ZSCAN4: variants seen among roughly 807,000 people sequenced by gnomAD.
The protein encoded by ZSCAN4 is zinc finger and SCAN domain-containing protein 4.
In ZSCAN4, 18 loss-of-function variants were observed where a neutral mutation model predicts 18.3. The ratio of observed to expected loss-of-function variants is 0.98; its 90% confidence interval spans 0.68 to 1.46. The LOEUF (loss-of-function observed/expected upper bound fraction) is 1.46. Among genes scored for constraint, ZSCAN4 ranks in the 40% most tolerant of loss-of-function variants. ZSCAN4 has a pLI of 0.00. For synonymous variants in ZSCAN4, 193 were observed against 180.3 expected (o/e 1.07, Z -0.57); for missense variants, 498 against 511.4 (o/e 0.97, Z 0.25).
At chr19:57,678,541 A>G in exon 5 of ZSCAN4, 1 of 1,614,146 alleles carries the variant, frequency 6.2e-7, no homozygotes, top group Non-Finnish European at 8.5e-7. Context: ...AAATCATACA[A>G]ATGTGAAGAA....
the ZSCAN4 span, among the ~76,000 whole-genome samples, chr19:57,660,770 G>A: frequency 6.6e-6 from 1 of 152,128 alleles, no homozygotes; most frequent in South Asian, 2.1e-4. Flanking sequence ...CTGTTATTCT[G>A]CCTCCCTCCT....
At chr19:57,659,394 A>AT in the ZSCAN4 span, among the ~76,000 whole-genome samples, 24,997 of 151,838 alleles carry the variant, frequency 0.16, 2,112 homozygotes, top group East Asian at 0.25. Context: ...ATATGCAATA[A>AT]TTTTTTTTGA....
At chr19:57,677,917 C>A in exon 4 of ZSCAN4, 1 of 1,534,372 alleles carries the variant, frequency 6.5e-7, no homozygotes, top group Non-Finnish European at 8.7e-7. Context: ...TTTACAGGTC[C>A]ACGTCCACAT....
intron 3 of ZSCAN4, among the ~76,000 whole-genome samples, chr19:57,677,646 A>G (rs1984226892): frequency 6.6e-6 from 1 of 152,208 alleles, no homozygotes; most frequent in African/African-American, 2.4e-5. Context: ...TCAGTTGACA[A>G]AAATAATGTA....
chr19:57,676,682 C>G, intron 3 of ZSCAN4, 141 bp downstream of exon 3: 6 of 994,704 alleles, frequency 6.0e-6, no homozygotes, highest in Non-Finnish European at 8.7e-6. Flanking sequence ...ACCATTCTCA[C>G]AAAGAATAAT....
chr19:57,676,637 T>C (rs1984200219), intron 3 of ZSCAN4, 96 bp downstream of exon 3: 2 of 1,376,156 alleles, frequency 1.5e-6, no homozygotes, highest in Admixed American at 2.3e-5. Context: ...GAGAAGCTAT[T>C]GGAGGTCCAG....
the ZSCAN4 span, among the ~76,000 whole-genome samples, chr19:57,660,032 G>A: frequency 6.4e-4 from 97 of 152,246 alleles, no homozygotes; most frequent in African/African-American, 2.2e-3. Context: ...CCAGCAAAAA[G>A]GTGAGATCAG....
chr19:57,664,085 C>T (rs907846232), upstream of ZSCAN4, among the ~76,000 whole-genome samples: 120 of 151,908 alleles, frequency 7.9e-4, no homozygotes, highest in Non-Finnish European at 1.5e-3. Context: ...AAGCAGAGAT[C>T]GTGCCATTGC....
At chr19:57,663,519 C>CAAAAA in the ZSCAN4 span, among the ~76,000 whole-genome samples, 5 of 18,284 alleles carry the variant, frequency 2.7e-4, no homozygotes, top group African/African-American at 1.1e-3. Context: ...AACCATGTCT[C>CAAAAA]TAAAAAAAAA....
the ZSCAN4 span, among the ~76,000 whole-genome samples, chr19:57,656,339 G>A: frequency 6.6e-6 from 1 of 152,096 alleles, no homozygotes; most frequent in Non-Finnish European, 1.5e-5. Context: ...ACTAACACTG[G>A]GGCTACCCAA....
chr19:57,666,260 A>T (rs560681163), upstream of ZSCAN4, among the ~76,000 whole-genome samples: 3 of 152,234 alleles, frequency 2.0e-5, no homozygotes, highest in African/African-American at 7.2e-5. Context: ...GGGGTGATCC[A>T]CGCACCTCCA....
At chr19:57,676,240 C>A (rs1984181350) in exon 3 of ZSCAN4, 3 of 1,614,108 alleles carry the variant, frequency 1.9e-6, no homozygotes, top group South Asian at 2.2e-5. Context: ...CAAGGACCTG[C>A]TGTTCAGAGA....
the ZSCAN4 span, among the ~76,000 whole-genome samples, chr19:57,658,451 A>G: frequency 1.3e-5 from 2 of 152,220 alleles, no homozygotes; most frequent in Non-Finnish European, 2.9e-5. Context: ...TACACTGGAA[A>G]TTGGGGATCA....
At chr19:57,673,991 T>C (rs936353275) in intron 2 of ZSCAN4, among the ~76,000 whole-genome samples, 14 of 152,188 alleles carry the variant, frequency 9.2e-5, no homozygotes, top group Admixed American at 7.9e-4. Context: ...TGGTTTCAAG[T>C]GATCTGCCCG....
chr19:57,677,808 C>T, intron 3 of ZSCAN4, 106 bp from the exon 4 acceptor site: 1 of 1,021,604 alleles, frequency 9.8e-7, no homozygotes, highest in Non-Finnish European at 1.4e-6. Flanking sequence ...TATGTGATAG[C>T]CAATACTTGA....
At chr19:57,652,477 G>A in the ZSCAN4 span, among the ~76,000 whole-genome samples, 26 of 152,100 alleles carry the variant, frequency 1.7e-4, no homozygotes, top group East Asian at 4.8e-3. Context: ...AAAGACCCAC[G>A]AAAACACCTC....
intron 2 of ZSCAN4, among the ~76,000 whole-genome samples, chr19:57,672,527 C>A (rs1984053338): frequency 1.3e-5 from 2 of 151,810 alleles, no homozygotes; most frequent in African/African-American, 4.8e-5. Context: ...ACACTTCTCT[C>A]TCTATATATA....
At chr19:57,672,857 C>T (rs1394723192) in intron 2 of ZSCAN4, among the ~76,000 whole-genome samples, 3 of 152,064 alleles carry the variant, frequency 2.0e-5, no homozygotes, top group African/African-American at 4.8e-5. Context: ...CCACCTCTGC[C>T]TCCCAAAGCA....
At chr19:57,662,032 G>T in the ZSCAN4 span, among the ~76,000 whole-genome samples, 1 of 147,220 alleles carries the variant, frequency 6.8e-6, no homozygotes, top group South Asian at 2.1e-4. Context: ...AGTGAGCTGA[G>T]ATTGCACCAC....
Sources: allele counts gnomAD v4.1 joint callset (sites outside exome capture counted in the v4.1 genomes callset), GRCh38; gene constraint gnomAD v4.1.1; transcripts MANE v1.5; gene names NCBI Gene and HGNC (gene_info 2026-07-23, HGNC 2026-07-21).